Variants in GRM8 observed in about 807,000 individuals in gnomAD.
GRM8 encodes the protein metabotropic glutamate receptor 8.
GRM8 carries 47 observed loss-of-function variants against 87.2 expected under a neutral mutation model. The ratio of observed to expected loss-of-function variants is 0.54; its 90% CI spans 0.43 to 0.69. GRM8 has a LOEUF of 0.69. Among genes scored for constraint, GRM8 ranks in the 30% least tolerant of loss-of-function variants. GRM8 has a pLI of 0.00. For missense variants in GRM8, 1,019 were observed against 1,139.2 expected (o/e 0.89, Z 1.52); for synonymous variants, 396 against 404.5 (o/e 0.98, Z 0.25).
chr7:127,048,259 A>T (rs1015473494), intron 3 of GRM8, among the ~76,000 whole-genome samples: 1 of 152,108 alleles, frequency 6.6e-6, no homozygotes, highest in Non-Finnish European at 1.5e-5. Flanking sequence ...ATGAACCCCC[A>T]AGCCCATGGC....
chr7:126,469,945 T>C (rs150051125), intron 9 of GRM8, among the ~76,000 whole-genome samples: 66 of 152,234 alleles, frequency 4.3e-4, no homozygotes, highest in Non-Finnish European at 8.4e-4. Context: ...TGTGGGAAAC[T>C]TTGGAGCTTC....
At chr7:126,484,119 G>A (rs554074582) in intron 9 of GRM8, among the ~76,000 whole-genome samples, 39 of 152,140 alleles carry the variant, frequency 2.6e-4, no homozygotes, top group African/African-American at 9.4e-4. Flanking sequence ...AGTACTTGAT[G>A]GAGAAAAATA....
chr7:126,883,413 T>A (rs560785615), intron 6 of GRM8, among the ~76,000 whole-genome samples: 1 of 152,192 alleles, frequency 6.6e-6, no homozygotes, highest in African/African-American at 2.4e-5. Flanking sequence ...CAGGATTGAA[T>A]TGTATGATAA....
At chr7:126,999,054 A>G (rs1813459719) in intron 3 of GRM8, among the ~76,000 whole-genome samples, 1 of 152,016 alleles carries the variant, frequency 6.6e-6, no homozygotes, top group Admixed American at 6.6e-5. Context: ...TGGCATAAAA[A>G]CAGATACCTA....
chr7:126,992,291 T>A (rs2131956789), intron 3 of GRM8, among the ~76,000 whole-genome samples: 1 of 152,098 alleles, frequency 6.6e-6, no homozygotes, highest in Non-Finnish European at 1.5e-5. Flanking sequence ...AAAGAAAAAA[T>A]GACACATAAG....
intron 9 of GRM8, among the ~76,000 whole-genome samples, chr7:126,522,109 TGG>T (rs1353235608): frequency 6.6e-6 from 1 of 152,174 alleles, no homozygotes; most frequent in East Asian, 1.9e-4. Flanking sequence ...GAAGTCCAAT[TGG>T]GTAGAAACCT....
At chr7:126,586,220 T>C (rs1382819414) in intron 8 of GRM8, among the ~76,000 whole-genome samples, 1 of 152,104 alleles carries the variant, frequency 6.6e-6, no homozygotes, top group Non-Finnish European at 1.5e-5. Flanking sequence ...TGCTCATGGA[T>C]AGGAAAAATC....
intron 2 of GRM8, among the ~76,000 whole-genome samples, chr7:127,129,445 A>G (rs1587094986): frequency 1.3e-5 from 2 of 152,348 alleles, no homozygotes; most frequent in Admixed American, 1.3e-4. Context: ...TCACTTTATT[A>G]TATACTGAAA....
chr7:127,136,715 C>A (rs982293063), intron 2 of GRM8, among the ~76,000 whole-genome samples: 1 of 151,832 alleles, frequency 6.6e-6, no homozygotes, highest in Non-Finnish European at 1.5e-5. Flanking sequence ...AGGCAATAGA[C>A]GTCTCTACAA....
intron 3 of GRM8, among the ~76,000 whole-genome samples, chr7:127,070,645 T>C (rs1232493938): frequency 1.3e-5 from 2 of 152,190 alleles, no homozygotes; most frequent in Non-Finnish European, 2.9e-5. Context: ...CTTTTATTAC[T>C]AGTGAAAATT....
At chr7:126,649,150 G>A (rs1456973306) in intron 7 of GRM8, among the ~76,000 whole-genome samples, 1 of 152,210 alleles carries the variant, frequency 6.6e-6, no homozygotes, top group African/African-American at 2.4e-5. Context: ...AAGAGGGTAT[G>A]ATGGTTAATA....
intron 3 of GRM8, among the ~76,000 whole-genome samples, chr7:127,033,478 C>G (rs752464517): frequency 1.3e-5 from 2 of 152,072 alleles, no homozygotes; most frequent in Non-Finnish European, 2.9e-5. Context: ...GTACCATGAA[C>G]TGATCAGCTC....
intron 6 of GRM8, among the ~76,000 whole-genome samples, chr7:126,865,505 A>G (rs540839786): frequency 6.6e-4 from 100 of 152,318 alleles, no homozygotes; most frequent in Non-Finnish European, 1.4e-3. Flanking sequence ...TCATCTATCA[A>G]CATAACCAAT....
In GRM8 at chr7:127,119,699, T is replaced by C. The variant is rs375807039; in HGVS notation, c.511-12987A>G. On this transcript the variant is annotated intron_variant, in intron 2 of 10. Coordinates refer to ENST00000339582, the MANE Select transcript of GRM8 (RefSeq NM_000845.3). ...GGTGAAAGGTGTTCATGAGCCCAGT[T>C]CAGTCTGCTTTCTGTTTGTTTGTTC... Among the ~76,000 whole-genome samples, 13 of 152,326 alleles carry C rather than the reference T, an allele frequency of 8.5e-5. No individual in the cohort carries two copies. In the East Asian group the frequency reaches 1.9e-3, roughly 23 times the overall value.
intron 3 of GRM8, among the ~76,000 whole-genome samples, chr7:126,974,936 C>CAAAAAAAAAAAA (rs36129145): frequency 1.7e-5 from 1 of 59,606 alleles, no homozygotes; most frequent in African/African-American, 6.7e-5. Context: ...ACTCTTGTCT[C>CAAAAAAAAAAAA]AAAAAAAAAA....
At chr7:126,481,487 TAA>T (rs1230315161) in intron 9 of GRM8, among the ~76,000 whole-genome samples, 1 of 152,042 alleles carries the variant, frequency 6.6e-6, no homozygotes, top group Non-Finnish European at 1.5e-5. Flanking sequence ...ACATAAGACA[TAA>T]GACATCATAT....
chr7:126,793,632 G>A (rs1445829341), intron 6 of GRM8, among the ~76,000 whole-genome samples: 1 of 152,200 alleles, frequency 6.6e-6, no homozygotes, highest in African/African-American at 2.4e-5. Context: ...GCAATCACAA[G>A]TCTCCTTAGA....
intron 3 of GRM8, among the ~76,000 whole-genome samples, chr7:126,970,733 C>T (rs1810335261): frequency 6.6e-6 from 1 of 152,172 alleles, no homozygotes; most frequent in Non-Finnish European, 1.5e-5. Flanking sequence ...CAGTCTGTCT[C>T]AGCTTTCGAC....
At chr7:127,177,714 C>A (rs1217857981) in intron 2 of GRM8, among the ~76,000 whole-genome samples, 1 of 152,192 alleles carries the variant, frequency 6.6e-6, no homozygotes, top group African/African-American at 2.4e-5. Context: ...CAGAGCTGGG[C>A]AGTCTCACGG....
Sources: gnomAD v4.1 joint callset for allele counts (sites outside exome capture counted in the v4.1 genomes callset) on GRCh38, gnomAD v4.1.1 for gene constraint, MANE v1.5 for transcripts, NCBI Gene and HGNC (gene_info 2026-07-23, HGNC 2026-07-21) for gene names.